Variants in MTARC2 observed in about 807,000 individuals in gnomAD.
The protein encoded by MTARC2 is mitochondrial amidoxime reducing component 2.
A neutral mutation model predicts 35.6 loss-of-function variants in MTARC2; 27 were observed. The observed-to-expected ratio is 0.76, with a 90% CI of 0.56 to 1.04. MTARC2 has a LOEUF of 1.04. Ranked by LOEUF, MTARC2 falls within the 50% of genes least tolerant of loss-of-function variation. The probability of loss-of-function intolerance (pLI) is 0.00; values close to 1 mark genes in which losing one functional copy is unlikely to be tolerated. For missense variants in MTARC2, 412 were observed against 432.5 expected (o/e 0.95, Z 0.42); for synonymous variants, 158 against 167.1 (o/e 0.95, Z 0.42).
At chr1:220,754,365 C>T (rs763373806) in intron 1 of MTARC2, 3 of 456,136 alleles carry the variant, frequency 6.6e-6, no homozygotes, top group Admixed American at 2.3e-5. Flanking sequence ...TTCTCTATGT[C>T]AGAATGTGTG....
chr1:220,780,692 C>T (rs980948302), intron 6 of MTARC2, among the ~76,000 whole-genome samples: 3 of 152,256 alleles, frequency 2.0e-5, no homozygotes, highest in Admixed American at 6.5e-5. Context: ...CTCAGTGATT[C>T]GCCTGCCTCC....
intron 2 of MTARC2, among the ~76,000 whole-genome samples, chr1:220,757,149 G>T (rs1195308926): frequency 1.3e-5 from 2 of 152,360 alleles, no homozygotes; most frequent in East Asian, 3.9e-4. Flanking sequence ...TGATCCACCT[G>T]CCTTGGCCTC....
intron 4 of MTARC2, among the ~76,000 whole-genome samples, chr1:220,768,526 C>A (rs1031805013): frequency 3.3e-5 from 5 of 152,068 alleles, no homozygotes; most frequent in African/African-American, 1.2e-4. Context: ...CTGTGGCTGG[C>A]CGTCAAAAGT....
chr1:220,757,704 A>G (rs988417600), intron 2 of MTARC2, among the ~76,000 whole-genome samples: 2 of 152,122 alleles, frequency 1.3e-5, no homozygotes, highest in African/African-American at 4.8e-5. Context: ...AAGGGTGCCA[A>G]TCCCAGCATG....
At chr1:220,758,120 G>T (rs1277280930) in intron 2 of MTARC2, among the ~76,000 whole-genome samples, 3 of 151,956 alleles carry the variant, frequency 2.0e-5, no homozygotes, top group Non-Finnish European at 4.4e-5. Context: ...GAGTAGCTGG[G>T]ACTACAGGCG....
intron 1 of MTARC2, among the ~76,000 whole-genome samples, chr1:220,753,922 C>T (rs1431418064): frequency 6.6e-6 from 1 of 152,052 alleles, no homozygotes; most frequent in Non-Finnish European, 1.5e-5. Flanking sequence ...TGGTGGTACA[C>T]ACCTGTAATC....
chr1:220,769,275 A>T (rs1171733144), intron 4 of MTARC2, among the ~76,000 whole-genome samples: 1 of 152,234 alleles, frequency 6.6e-6, no homozygotes, highest in Non-Finnish European at 1.5e-5. Context: ...GCACAGCCTC[A>T]CACAGCTTTC....
chr1:220,760,933 T>A (rs946936844), intron 2 of MTARC2, among the ~76,000 whole-genome samples: 30 of 152,368 alleles, frequency 2.0e-4, no homozygotes, highest in Admixed American at 3.9e-4. Flanking sequence ...TTTAAAAGCA[T>A]AATGTAATCA....
intron 1 of MTARC2, 140 bp downstream of exon 1, chr1:220,748,943 C>A: frequency 8.5e-7 from 1 of 1,175,740 alleles, no homozygotes. Flanking sequence ...GGCCGTTGGT[C>A]GTTTATCTGG....
In MTARC2 at chr1:220,773,277, G is replaced by C. The variant is rs76476330; in HGVS notation, c.751-6741G>C. On this transcript the variant is annotated intron_variant, in intron 4 of 7. Coordinates refer to ENST00000366913, the MANE Select transcript of MTARC2 (RefSeq NM_017898.5). ...CTCCAAAAAACCCCTGAAAGATGGG[G>C]TTTGGAGAGCTTCTGAGTTGGAGAA... Among the ~76,000 whole-genome samples the C allele has an allele frequency of 7.8e-3, 1,186 of 152,248 alleles. 20 individuals are homozygous for C. Among genetic ancestry groups the C allele is most frequent in the African/African-American group, 0.027 (1,124 of 41,538 alleles).
Position 220,780,025 on chromosome 1 carries a change from G to C in MTARC2, c.758G>C (p.Trp253Ser). The C allele has an allele frequency of 6.5e-7, 1 of 1,534,176 alleles. No individual in the cohort carries two copies. Among genetic ancestry groups the C allele is most frequent in the Non-Finnish European group, 8.7e-7 (1 of 1,151,636 alleles). Reference protein sequence around the residue: ...TGCDAFEEDTWDELLIGSVEV... With the variant: ...TGCDAFEEDTSDELLIGSVEV... ...CTTTCTCTTTTCTCTTAGGATACCT[G>C]GGATGAACTCCTAATTGGTAGTGTA... Residue 253 changes from tryptophan (W) to serine (S), a missense_variant, in exon 5 of 8, where the codon TGG becomes TCG. By Grantham distance (177) the Trp-to-Ser change is radical. Coordinates refer to ENST00000366913, the MANE Select transcript of MTARC2 (RefSeq NM_017898.5).
chr1:220,781,059 C>G (rs897518108), intron 6 of MTARC2, among the ~76,000 whole-genome samples: 1 of 149,992 alleles, frequency 6.7e-6, no homozygotes, highest in East Asian at 2.0e-4. Flanking sequence ...TAGTTCCCAA[C>G]GAAGATAGTG....
rs533423499 is a variant in MTARC2 at position 220,780,762 on chromosome 1, T to C, written c.884+523T>C. Among the ~76,000 whole-genome samples, 3 of 152,284 alleles carry C rather than the reference T, an allele frequency of 2.0e-5. No individual in the cohort carries two copies. In the East Asian group the frequency reaches 5.8e-4, roughly 29 times the overall value. On this transcript the variant is annotated intron_variant, in intron 6 of 7. Coordinates refer to ENST00000366913, the MANE Select transcript of MTARC2 (RefSeq NM_017898.5). ...CCCAGCTTTGATAAACTTTTAATTC[T>C]ATAATACTACATTTTGAAATTTTAG...
Position 220,784,107 on chromosome 1 carries a change from A to G in MTARC2, c.*220A>G, listed in dbSNP as rs1389885213. The G allele has an allele frequency of 1.1e-5, 6 of 557,382 alleles. No individual in the cohort carries two copies. The highest frequency in any genetic ancestry group is 1.9e-5 in the African/African-American group (1 of 52,838). 34.5% of individuals were successfully genotyped at this position (557,382 alleles called of 1,614,324 possible). A position where few individuals can be genotyped will look rare whatever the true frequency, so the allele number is the denominator to read the frequency against. On this transcript the variant is annotated 3_prime_UTR_variant, in exon 8 of 8. Coordinates refer to ENST00000366913, the MANE Select transcript of MTARC2 (RefSeq NM_017898.5). The stretch of plus-strand genomic sequence containing the variant: ...TAGAGGGGGGAATATGAAAGTATAT[A>G]TATAAATTTTAGGTACTGAAGGCTT...
At chr1:220,782,627 C>T (rs895017182) in intron 7 of MTARC2, among the ~76,000 whole-genome samples, 42 of 152,226 alleles carry the variant, frequency 2.8e-4, no homozygotes, top group African/African-American at 9.7e-4. Context: ...ATCTCCAAAA[C>T]TCTTGACCAT....
intron 4 of MTARC2, among the ~76,000 whole-genome samples, chr1:220,775,358 T>C (rs1671871341): frequency 6.6e-6 from 1 of 152,166 alleles, no homozygotes. Flanking sequence ...TCTTGAAAAC[T>C]CCATAGTTTT....
Position 220,748,619 on chromosome 1 carries a change from C to G in MTARC2, c.88C>G (p.Leu30Val), listed in dbSNP as rs959555334. 1 of 1,485,998 alleles carries G rather than the reference C, an allele frequency of 6.7e-7. No homozygotes were observed. Among genetic ancestry groups the G allele is most frequent in the African/African-American group, 1.5e-5 (1 of 67,758 alleles). 92.1% of individuals were successfully genotyped at this position (1,485,998 alleles called of 1,614,324 possible). A position where few individuals can be genotyped will look rare whatever the true frequency, so the allele number is the denominator to read the frequency against. ...GTGGCTCGGGGTCGCCGCGCTAGGA[C>G]TGGCCGCCGTGGCCCTGGGGACTGT... ...PRWLGVAALG[L>V]AAVALGTVAW... is the part of the protein sequence containing the mutation. Residue 30 changes from leucine (L) to valine (V), a missense_variant, in exon 1 of 8, where the codon CTG becomes GTG. Physicochemically the swap from Leu to Val is conservative, Grantham distance 32. Transcript: ENST00000366913.
chr1:220,768,527 C>A (rs907775575), intron 4 of MTARC2, among the ~76,000 whole-genome samples: 4 of 151,988 alleles, frequency 2.6e-5, no homozygotes, highest in African/African-American at 4.8e-5. Context: ...TGTGGCTGGC[C>A]GTCAAAAGTC....
chr1:220,766,947 C>A (rs1174223166), intron 4 of MTARC2, among the ~76,000 whole-genome samples: 1 of 148,554 alleles, frequency 6.7e-6, no homozygotes, highest in Non-Finnish European at 1.5e-5. Flanking sequence ...TCGAGACCAG[C>A]CTTGGGCAAC....
Sources: allele counts gnomAD v4.1 joint callset (sites outside exome capture counted in the v4.1 genomes callset), GRCh38; gene constraint gnomAD v4.1.1; transcripts MANE v1.5; gene names NCBI Gene and HGNC (gene_info 2026-07-23, HGNC 2026-07-21).